Variants in XPR1 observed in about 807,000 individuals in gnomAD.
XPR1 encodes the protein solute carrier family 53 member 1.
Under a neutral mutation model 87.5 loss-of-function variants are expected in XPR1, and 28 were observed. The ratio of observed to expected loss-of-function variants is 0.32; its 90% CI spans 0.24 to 0.44. The LOEUF is 0.44. XPR1 is among the 20% of genes least tolerant of loss of function. The pLI is 1.00. For synonymous variants in XPR1, 300 were observed against 306.1 expected (o/e 0.98, Z 0.21); for missense variants, 559 against 862.3 (o/e 0.65, Z 4.41).
intron 3 of XPR1, among the ~76,000 whole-genome samples, chr1:180,792,067 T>C (rs7512042): frequency 0.044 from 6,756 of 152,238 alleles, 528 homozygotes; most frequent in African/African-American, 0.15. Context: ...TTCACAGAAA[T>C]AGAATTTGTT....
intron 2 of XPR1, among the ~76,000 whole-genome samples, chr1:180,703,207 C>T (rs1014997697): frequency 1.3e-5 from 2 of 151,986 alleles, no homozygotes; most frequent in Admixed American, 1.3e-4. Flanking sequence ...GGACATGTCC[C>T]CAAGCCACTG....
Position 180,811,471 on chromosome 1 carries a change from T to C in XPR1, c.746T>C (p.Ile249Thr). The change falls in exon 7 of 15, where the codon ATT (isoleucine) becomes ACT (threonine). Residue 249 changes from isoleucine (I) to threonine (T), a missense_variant. Around this residue, in one of 7 missense-constraint regions of XPR1, gnomAD observed 39 missense variants for 38.5 expected, o/e 1.01. Transcript: ENST00000367590. ...LFCGIFIVLNITLVLAAVFKL... is the reference protein window; with the variant it reads ...LFCGIFIVLNTTLVLAAVFKL... ...TGTGGAATATTCATTGTACTGAATA[T>C]TACCCTTGTGCTTGCCGGTAAGTAG... 1.2e-6 allele frequency: 2 copies of C among 1,612,980 alleles called. No homozygotes were observed. Among genetic ancestry groups the C allele is most frequent in the Non-Finnish European group, 8.5e-7 (1 of 1,179,382 alleles).
At chr1:180,829,590 A>G (rs924963446) in intron 9 of XPR1, among the ~76,000 whole-genome samples, 1 of 152,180 alleles carries the variant, frequency 6.6e-6, no homozygotes, top group Non-Finnish European at 1.5e-5. Context: ...TCTCTATAAT[A>G]TGGTGCTATA....
chr1:180,834,807 C>T, intron 9 of XPR1, 67 bp from the exon 10 acceptor site: 1 of 1,493,652 alleles, frequency 6.7e-7, no homozygotes, highest in South Asian at 1.3e-5. Flanking sequence ...AATGGTCAGA[C>T]ATGAAATGGA....
intron 2 of XPR1, among the ~76,000 whole-genome samples, chr1:180,696,589 C>A (rs546319716): frequency 5.5e-4 from 83 of 151,774 alleles, no homozygotes; most frequent in African/African-American, 2.0e-3. Flanking sequence ...GGAAGGCTTT[C>A]ACCTTTCCCC....
At chr1:180,662,358 T>C (rs1441875540) in intron 1 of XPR1, among the ~76,000 whole-genome samples, 8 of 152,212 alleles carry the variant, frequency 5.3e-5, no homozygotes, top group African/African-American at 1.9e-4. Context: ...GAAAAGGCTT[T>C]ATTTCTTCTT....
At chr1:180,637,067 A>C (rs1380327718) in intron 1 of XPR1, among the ~76,000 whole-genome samples, 1 of 132,284 alleles carries the variant, frequency 7.6e-6, no homozygotes, top group East Asian at 1.9e-4. Context: ...AAAAAAAAAA[A>C]AAAAGGAAAA....
At chr1:180,840,180 G>A (rs1037456570) in intron 11 of XPR1, among the ~76,000 whole-genome samples, 37 of 141,072 alleles carry the variant, frequency 2.6e-4, no homozygotes, top group South Asian at 1.1e-3. Context: ...CCGAGATTGC[G>A]CCACTGCAGT....
chr1:180,851,588 A>T (rs114203991), intron 11 of XPR1, among the ~76,000 whole-genome samples: 3,428 of 152,324 alleles, frequency 0.023, 66 homozygotes, highest in Middle Eastern at 0.092. Context: ...TGCTTATTCC[A>T]AAGTCTTAAC....
At chr1:180,651,281 G>A (rs1324442016) in intron 1 of XPR1, among the ~76,000 whole-genome samples, 1 of 151,954 alleles carries the variant, frequency 6.6e-6, no homozygotes, top group Non-Finnish European at 1.5e-5. Flanking sequence ...TAGTAGAGGC[G>A]GGGTTTCACC....
At chr1:180,650,343 C>G (rs979514983) in intron 1 of XPR1, among the ~76,000 whole-genome samples, 1 of 152,086 alleles carries the variant, frequency 6.6e-6, no homozygotes, top group Non-Finnish European at 1.5e-5. Flanking sequence ...TGTAGGGATC[C>G]TCCTGCCTCA....
Position 180,733,446 on chromosome 1 carries a change from T to C in XPR1, c.121+51035T>C, listed in dbSNP as rs1441182435. Among the ~76,000 whole-genome samples, 6 of 152,118 alleles carry C rather than the reference T, an allele frequency of 3.9e-5. No homozygotes were observed. In the East Asian group the frequency reaches 9.6e-4, roughly 24 times the overall value. ...TTCCTTGTTCATCCAACAAATACAG[T>C]CAGTATTGTGCTATATTTGGTAGAT... On this transcript the variant is annotated intron_variant, in intron 2 of 14. Transcript: ENST00000367590.
intron 1 of XPR1, among the ~76,000 whole-genome samples, chr1:180,632,773 A>G (rs954142668): frequency 1.3e-5 from 2 of 152,256 alleles, no homozygotes; most frequent in Non-Finnish European, 2.9e-5. Flanking sequence ...TTCATTCCAA[A>G]GAGCCCTTCG....
intron 11 of XPR1, among the ~76,000 whole-genome samples, chr1:180,851,155 T>C (rs182255281): frequency 2.0e-5 from 3 of 152,244 alleles, no homozygotes; most frequent in East Asian, 3.9e-4. Flanking sequence ...GAAATAGATA[T>C]TTTTTAATGT....
intron 1 of XPR1, among the ~76,000 whole-genome samples, chr1:180,650,009 G>C (rs2101903109): frequency 6.6e-6 from 1 of 151,990 alleles, no homozygotes; most frequent in Non-Finnish European, 1.5e-5. Flanking sequence ...TTGTGTTTCA[G>C]GTTTTCCATT....
intron 2 of XPR1, among the ~76,000 whole-genome samples, chr1:180,751,459 T>C (rs890831694): frequency 5.3e-5 from 8 of 152,076 alleles, no homozygotes; most frequent in East Asian, 1.9e-4. Flanking sequence ...TTAGAAAATA[T>C]GGGTTTCTGA....
intron 2 of XPR1, among the ~76,000 whole-genome samples, chr1:180,773,401 G>C (rs566537718): frequency 1.3e-5 from 2 of 152,196 alleles, no homozygotes; most frequent in African/African-American, 4.8e-5. Flanking sequence ...ACTGACTCTT[G>C]TAAGACTTTA....
intron 11 of XPR1, among the ~76,000 whole-genome samples, chr1:180,861,102 G>A (rs1017451478): frequency 6.6e-6 from 1 of 152,002 alleles, no homozygotes; most frequent in Non-Finnish European, 1.5e-5. Flanking sequence ...ACTCACTTGA[G>A]AAATACTCAT....
chr1:180,709,186 A>G (rs949162516), intron 2 of XPR1, among the ~76,000 whole-genome samples: 4 of 152,232 alleles, frequency 2.6e-5, no homozygotes, highest in African/African-American at 4.8e-5. Flanking sequence ...TGCTGGGATT[A>G]CAGACAGGCA....
Sources: gnomAD v4.1 joint callset for allele counts (sites outside exome capture counted in the v4.1 genomes callset) on GRCh38, gnomAD v4.1.1 for gene constraint, gnomAD v4.1.1 regional missense constraint, MANE v1.5 for transcripts, NCBI Gene and HGNC (gene_info 2026-07-23, HGNC 2026-07-21) for gene names.